ALDH8A1: variants seen among roughly 807,000 people sequenced by gnomAD.
ALDH8A1 encodes aldehyde dehydrogenase 8 family member A1.
In ALDH8A1, 39 loss-of-function variants were observed where a neutral mutation model predicts 43.3. The ratio of observed to expected loss-of-function variants is 0.90; its 90% CI spans 0.70 to 1.18. The LOEUF is 1.18. Among genes scored for constraint, ALDH8A1 ranks in the 50% most tolerant of loss-of-function variants. ALDH8A1 has a pLI of 0.00. For synonymous variants in ALDH8A1, 233 were observed against 243.5 expected, an observed-to-expected ratio of 0.96 and a Z score of 0.40; for missense variants, 605 against 622.6, an observed-to-expected ratio of 0.97 and a Z score of 0.30.
At chr6:134,935,738 CA>C (rs1773724103) in intron 4 of ALDH8A1, among the ~76,000 whole-genome samples, 1 of 152,152 alleles carries the variant, frequency 6.6e-6, no homozygotes, top group East Asian at 1.9e-4. Flanking sequence ...CCTTTGGATA[CA>C]ACCCATTTCT....
chr6:134,938,635 ATTATTATT>A (rs1449328504), intron 4 of ALDH8A1, among the ~76,000 whole-genome samples: 4 of 151,474 alleles, frequency 2.6e-5, no homozygotes, highest in Non-Finnish European at 4.4e-5. Context: ...TATTATTATT[ATTATTATT>A]TTATTTTTTA....
At chr6:134,922,400 T>G (rs1776818027) in intron 6 of ALDH8A1, among the ~76,000 whole-genome samples, 1 of 152,178 alleles carries the variant, frequency 6.6e-6, no homozygotes. Context: ...TTTTTTTTCT[T>G]TTTTTGAGAC....
chr6:134,938,880 C>T (rs1228577122), intron 4 of ALDH8A1, among the ~76,000 whole-genome samples: 1 of 152,114 alleles, frequency 6.6e-6, no homozygotes, highest in African/African-American at 2.4e-5. Flanking sequence ...ATCTCCTGAC[C>T]TCGTGATCCA....
rs116797296 is a variant in ALDH8A1, at chr6:134,948,517, A to T, written c.138+1399T>A. Among the ~76,000 whole-genome samples, 1,133 of 152,308 alleles carry T rather than the reference A, an allele frequency of 7.4e-3. 18 individuals carry two copies. Among genetic ancestry groups the T allele is most frequent in the African/African-American group, 0.026 (1,077 of 41,576 alleles). On this transcript the variant is annotated intron_variant, in intron 1 of 6. Coordinates refer to ENST00000265605, the MANE Select transcript of ALDH8A1 (RefSeq NM_022568.4). ...AAAGATGTACAATTATTATGTATCA[A>T]TTTTTTAATTTTTTGTTAAAAAAGG...
chr6:134,942,240 GAC>G (rs986506471), intron 3 of ALDH8A1, 167 bp downstream of exon 3: 2 of 883,384 alleles, frequency 2.3e-6, no homozygotes, highest in Non-Finnish European at 3.2e-6. Flanking sequence ...CAGGGAATTT[GAC>G]ACAAAGAAAA....
At chr6:134,935,959 T>A (rs1219179532) in intron 4 of ALDH8A1, among the ~76,000 whole-genome samples, 1 of 151,414 alleles carries the variant, frequency 6.6e-6, no homozygotes, top group Non-Finnish European at 1.5e-5. Context: ...ACTTCTTTTT[T>A]TTTTTTTTTT....
At position 134,950,058 on chromosome 6, in the gene ALDH8A1, A is replaced by G; in HGVS notation, c.-5T>C. On this transcript the variant is annotated 5_prime_UTR_variant, in exon 1 of 7. Transcript: ENST00000265605. The stretch of plus-strand genomic sequence containing the variant: ...AAGTGCGTTTGTTCCAGCCATAGCA[A>G]GGAAAAATTCTGCCTTTCCTCTTTA... 1 of 1,608,130 alleles carries G rather than the reference A, an allele frequency of 6.2e-7. No individual in the cohort carries two copies. The highest frequency in any genetic ancestry group is 8.5e-7 in the Non-Finnish European group (1 of 1,177,094).
In ALDH8A1 at chr6:134,917,992, A is replaced by G; in HGVS notation, c.*423T>C. ...TGCCTAGGCTGATCTCGAACTCCTGAACTCAAGTGATCCACCCACCTTGGC... is the reference window on the plus strand; with the variant it reads ...TGCCTAGGCTGATCTCGAACTCCTGGACTCAAGTGATCCACCCACCTTGGC... On this transcript the variant is annotated 3_prime_UTR_variant, in exon 7 of 7. Coordinates refer to ENST00000265605, the MANE Select transcript of ALDH8A1 (RefSeq NM_022568.4). The G allele has an allele frequency of 5.3e-6, 1 of 188,316 alleles. No homozygotes were observed. The highest frequency in any genetic ancestry group is 1.2e-4 in the South Asian group (1 of 8,252). The allele number at this position is 188,316 out of a possible 1,614,324, so 11.7% of individuals were successfully genotyped here. A position where few individuals can be genotyped will look rare whatever the true frequency, so the allele number is the denominator to read the frequency against.
At chr6:134,946,110 T>C (rs1365158543) in intron 1 of ALDH8A1, among the ~76,000 whole-genome samples, 1 of 152,206 alleles carries the variant, frequency 6.6e-6, no homozygotes. Context: ...AATTACCCAG[T>C]CTCAGGTATT....
intron 4 of ALDH8A1, among the ~76,000 whole-genome samples, chr6:134,934,931 T>C (rs1041547164): frequency 1.3e-5 from 2 of 152,286 alleles, no homozygotes; most frequent in Non-Finnish European, 2.9e-5. Flanking sequence ...TACAGTTTTA[T>C]GAGCGCATTA....
intron 5 of ALDH8A1, among the ~76,000 whole-genome samples, chr6:134,931,464 A>G (rs1334800936): frequency 6.7e-6 from 1 of 148,726 alleles, no homozygotes; most frequent in Admixed American, 6.7e-5. Context: ...GAGTTTTGCC[A>G]TGTTGGCCAG....
chr6:134,946,781 C>CACGCGTGCACAGGTGCGCATGTGT (rs1562261582), intron 1 of ALDH8A1, among the ~76,000 whole-genome samples: 7 of 148,488 alleles, frequency 4.7e-5, no homozygotes, highest in East Asian at 1.9e-4. Flanking sequence ...CGCATGTGTG[C>CACGCGTGCACAGGTGCGCATGTGT]GCGCGCGCAC....
At chr6:134,932,635 G>A (rs1777003379) in intron 5 of ALDH8A1, 141 bp downstream of exon 5, 27 of 1,201,792 alleles carry the variant, frequency 2.2e-5, no homozygotes, top group Non-Finnish European at 3.0e-5. Context: ...GAGAGTTAAG[G>A]GAATCACACA....
chr6:134,930,108 G>C (rs1259619326), intron 5 of ALDH8A1, among the ~76,000 whole-genome samples: 1 of 152,226 alleles, frequency 6.6e-6, no homozygotes, highest in Non-Finnish European at 1.5e-5. Flanking sequence ...GAAGTGATGA[G>C]ATTCAGGATA....
chr6:134,942,619 T>A, intron 2 of ALDH8A1, 55 bp from the exon 3 acceptor site: 2 of 1,555,002 alleles, frequency 1.3e-6, no homozygotes. Flanking sequence ...ACTCTATCCA[T>A]CAGCTTCCAC....
intron 5 of ALDH8A1, among the ~76,000 whole-genome samples, chr6:134,930,974 C>T (rs1189008864): frequency 6.6e-6 from 1 of 152,156 alleles, no homozygotes; most frequent in Admixed American, 6.5e-5. Flanking sequence ...TAGTACATGT[C>T]CAGGGTCACA....
chr6:134,940,082 C>CG, intron 3 of ALDH8A1: 1 of 236,266 alleles, frequency 4.2e-6, no homozygotes, highest in Non-Finnish European at 8.7e-6. Context: ...AGGGGAGAGT[C>CG]GGGGGGAAGA....
At chr6:134,937,827 G>A (rs910636546) in intron 4 of ALDH8A1, among the ~76,000 whole-genome samples, 2 of 152,196 alleles carry the variant, frequency 1.3e-5, no homozygotes, top group African/African-American at 2.4e-5. Context: ...AACATGGGAA[G>A]GGTCGGCACA....
At chr6:134,939,217 A>G (rs1773806026) in intron 4 of ALDH8A1, 49 bp downstream of exon 4, 1 of 1,601,902 alleles carries the variant, frequency 6.2e-7, no homozygotes, top group African/African-American at 1.3e-5. Flanking sequence ...TATAAACTAT[A>G]GGTTTGCTCC....
Sources: gnomAD v4.1 joint callset for allele counts (sites outside exome capture counted in the v4.1 genomes callset) on GRCh38, gnomAD v4.1.1 for gene constraint, MANE v1.5 for transcripts, NCBI Gene and HGNC (gene_info 2026-07-23, HGNC 2026-07-21) for gene names.